Variants in PLAC9 observed in about 807,000 individuals in gnomAD.
PLAC9 encodes placenta-specific protein 9.
PLAC9 carries 12 observed loss-of-function variants against 11.5 expected under a neutral mutation model. The observed-to-expected ratio is 1.05, with a 90% CI of 0.67 to 1.69. PLAC9 has a LOEUF of 1.69. Among genes scored for constraint, PLAC9 ranks in the 40% most tolerant of loss-of-function variants. The pLI is 0.00. For synonymous variants in PLAC9, 62 were observed against 58.1 expected, an observed-to-expected ratio of 1.07 and a Z score of -0.31; for missense variants, 132 against 130.5, an observed-to-expected ratio of 1.01 and a Z score of -0.06.
At chr10:80,135,086 C>T (rs1000834765) in intron 1 of PLAC9, among the ~76,000 whole-genome samples, 1 of 152,004 alleles carries the variant, frequency 6.6e-6, no homozygotes, top group Non-Finnish European at 1.5e-5. Context: ...GTGGTGCGAT[C>T]TCCGCTCACT....
Sources: gnomAD v4.1 joint callset for allele counts (sites outside exome capture counted in the v4.1 genomes callset) on GRCh38, gnomAD v4.1.1 for gene constraint, MANE v1.5 for transcripts, NCBI Gene and HGNC (gene_info 2026-07-23, HGNC 2026-07-21) for gene names.